Variants in GPC6 observed in about 807,000 individuals in gnomAD.
GPC6 encodes glypican-6.
GPC6 carries 14 observed loss-of-function variants against 55.2 expected under a neutral mutation model. The observed-to-expected ratio is 0.25, with a 90% CI of 0.17 to 0.40. The LOEUF is 0.40. Ranked by LOEUF, GPC6 falls within the 10% of genes least tolerant of loss-of-function variation. The pLI is 1.00. For missense variants in GPC6, 641 were observed against 708.5 expected (o/e 0.90, Z 1.08); for synonymous variants, 278 against 259.6 (o/e 1.07, Z -0.68).
At chr13:94,363,945 T>C (rs1879175415) in intron 6 of GPC6, among the ~76,000 whole-genome samples, 1 of 152,254 alleles carries the variant, frequency 6.6e-6, no homozygotes, top group Non-Finnish European at 1.5e-5. Flanking sequence ...CTCATTTAAA[T>C]GTTTCGTGTT....
At chr13:94,261,174 C>T (rs562867064) in intron 4 of GPC6, among the ~76,000 whole-genome samples, 1 of 152,220 alleles carries the variant, frequency 6.6e-6, no homozygotes, top group African/African-American at 2.4e-5. Flanking sequence ...CCTTGGGAGG[C>T]TGAGGCAGAA....
intron 2 of GPC6, among the ~76,000 whole-genome samples, chr13:93,553,418 C>T (rs779502077): frequency 6.6e-6 from 1 of 151,534 alleles, no homozygotes; most frequent in Non-Finnish European, 1.5e-5. Context: ...ATGGGCCAGG[C>T]GCAGTGGCTT....
chr13:94,372,942 C>G (rs1299412273), intron 6 of GPC6, among the ~76,000 whole-genome samples: 2 of 152,202 alleles, frequency 1.3e-5, no homozygotes, highest in Non-Finnish European at 2.9e-5. Flanking sequence ...AGGCACCCCC[C>G]AGCAGGAGCA....
chr13:94,204,775 A>G (rs896917218), intron 4 of GPC6, among the ~76,000 whole-genome samples: 5 of 152,196 alleles, frequency 3.3e-5, no homozygotes, highest in African/African-American at 1.2e-4. Context: ...CCAATTTTGT[A>G]TCCTTCACTT....
At chr13:94,219,500 T>A (rs951378897) in intron 4 of GPC6, among the ~76,000 whole-genome samples, 3 of 152,168 alleles carry the variant, frequency 2.0e-5, no homozygotes, top group Non-Finnish European at 4.4e-5. Flanking sequence ...TTATCTGAAC[T>A]CACAAACTTT....
At chr13:94,134,460 C>T (rs1309935734) in intron 4 of GPC6, among the ~76,000 whole-genome samples, 1 of 152,146 alleles carries the variant, frequency 6.6e-6, no homozygotes, top group Non-Finnish European at 1.5e-5. Context: ...GAATGTGTCC[C>T]CCTCATGCTA....
chr13:93,474,318 G>A (rs1879228056), intron 1 of GPC6, among the ~76,000 whole-genome samples: 1 of 152,146 alleles, frequency 6.6e-6, no homozygotes, highest in Non-Finnish European at 1.5e-5. Context: ...AAGGTTTTTA[G>A]TGTGCTGAAT....
At chr13:93,460,709 A>G (rs957208924) in intron 1 of GPC6, among the ~76,000 whole-genome samples, 3 of 152,190 alleles carry the variant, frequency 2.0e-5, no homozygotes, top group Admixed American at 1.3e-4. Flanking sequence ...GGCCAAAACC[A>G]TACTTTGAGG....
intron 5 of GPC6, among the ~76,000 whole-genome samples, chr13:94,297,066 T>C (rs890845971): frequency 1.3e-5 from 2 of 152,180 alleles, no homozygotes; most frequent in Non-Finnish European, 2.9e-5. Flanking sequence ...AAACTTAACA[T>C]GTAGTTGCAT....
At chr13:93,946,107 A>T (rs1299084300) in intron 3 of GPC6, among the ~76,000 whole-genome samples, 4 of 152,282 alleles carry the variant, frequency 2.6e-5, no homozygotes, top group Middle Eastern at 3.4e-3. Context: ...ACAGTATAAT[A>T]CTTCTATCAT....
At chr13:93,540,147 GC>G (rs1882232682) in intron 1 of GPC6, among the ~76,000 whole-genome samples, 1 of 151,688 alleles carries the variant, frequency 6.6e-6, no homozygotes, top group South Asian at 2.1e-4. Context: ...CAGAATGAAT[GC>G]CAGGCTGGCT....
chr13:93,368,863 T>C (rs1054543145), intron 1 of GPC6, among the ~76,000 whole-genome samples: 1 of 152,108 alleles, frequency 6.6e-6, no homozygotes, highest in Non-Finnish European at 1.5e-5. Context: ...CAGACTCTTA[T>C]GGGACAGGTT....
At chr13:94,183,288 A>G (rs1889058246) in intron 4 of GPC6, among the ~76,000 whole-genome samples, 3 of 152,120 alleles carry the variant, frequency 2.0e-5, no homozygotes, top group Admixed American at 6.5e-5. Context: ...AGTACCCCAT[A>G]TAAGTGGAAT....
chr13:93,380,946 G>A (rs1271493739), intron 1 of GPC6, among the ~76,000 whole-genome samples: 1 of 152,082 alleles, frequency 6.6e-6, no homozygotes, highest in African/African-American at 2.4e-5. Context: ...CCAGATAGTT[G>A]CCTAAAATCT....
At chr13:93,387,262 C>T (rs527264317) in intron 1 of GPC6, among the ~76,000 whole-genome samples, 1 of 152,092 alleles carries the variant, frequency 6.6e-6, no homozygotes, top group Admixed American at 6.6e-5. Context: ...CAGCTATCAA[C>T]CCGTCATCCA....
chr13:93,387,846 T>C (rs1330827927), intron 1 of GPC6, among the ~76,000 whole-genome samples: 1 of 152,212 alleles, frequency 6.6e-6, no homozygotes, highest in East Asian at 1.9e-4. Flanking sequence ...TGGGCATAGA[T>C]TGAGGTTCTA....
intron 4 of GPC6, among the ~76,000 whole-genome samples, chr13:94,129,911 G>A (rs560867201): frequency 2.4e-4 from 37 of 152,190 alleles, no homozygotes; most frequent in Middle Eastern, 3.4e-3. Context: ...AATGAACCAG[G>A]CAGGGTCTGT....
intron 1 of GPC6, among the ~76,000 whole-genome samples, chr13:93,538,454 A>G (rs1882151021): frequency 6.6e-6 from 1 of 152,188 alleles, no homozygotes; most frequent in Non-Finnish European, 1.5e-5. Flanking sequence ...AGAGATAAGT[A>G]TGGAGAGAGA....
chr13:93,481,737 G>A (rs1007261199), intron 1 of GPC6, among the ~76,000 whole-genome samples: 3 of 151,936 alleles, frequency 2.0e-5, no homozygotes, highest in Admixed American at 6.6e-5. Context: ...TTAGCCATAC[G>A]GACAAGGATT....
Sources: gnomAD v4.1 joint callset for allele counts (sites outside exome capture counted in the v4.1 genomes callset) on GRCh38, gnomAD v4.1.1 for gene constraint, MANE v1.5 for transcripts, NCBI Gene and HGNC (gene_info 2026-07-23, HGNC 2026-07-21) for gene names.